GRID2: variants seen among roughly 807,000 people sequenced by gnomAD.
GRID2 encodes glutamate ionotropic receptor delta type subunit 2.
In GRID2, 33 loss-of-function variants were observed where a neutral mutation model predicts 114.8. The observed-to-expected ratio is 0.29, with a 90% CI of 0.22 to 0.38. The LOEUF (loss-of-function observed/expected upper bound fraction) is 0.38, where lower values mean the gene tolerates loss of function less well. Ranked by LOEUF, GRID2 falls within the 10% of genes least tolerant of loss-of-function variation. The pLI is 1.00. For synonymous variants in GRID2, 505 were observed against 449.9 expected (o/e 1.12, Z -1.55); for missense variants, 1,184 against 1,257.7 (o/e 0.94, Z 0.89).
intron 1 of GRID2, among the ~76,000 whole-genome samples, chr4:92,580,505 T>C (rs1258965333): frequency 6.6e-6 from 1 of 151,986 alleles, no homozygotes; most frequent in Non-Finnish European, 1.5e-5. Context: ...AAGAAACTTA[T>C]TTATTTTGGC....
chr4:92,345,781 C>G (rs1340911411), intron 1 of GRID2, among the ~76,000 whole-genome samples: 3 of 152,142 alleles, frequency 2.0e-5, no homozygotes, highest in Non-Finnish European at 4.4e-5. Flanking sequence ...GACCATCACA[C>G]AAACTATCTT....
At chr4:92,770,648 T>C (rs552460226) in intron 2 of GRID2, among the ~76,000 whole-genome samples, 2 of 152,228 alleles carry the variant, frequency 1.3e-5, no homozygotes, top group East Asian at 1.9e-4. Context: ...CTTACATGAA[T>C]GGTGGCAGGC....
intron 2 of GRID2, among the ~76,000 whole-genome samples, chr4:92,626,320 T>C (rs1730519454): frequency 6.6e-6 from 1 of 152,008 alleles, no homozygotes; most frequent in African/African-American, 2.4e-5. Flanking sequence ...TGTAAAGCTT[T>C]TCATGGACCT....
At chr4:93,470,719 A>G (rs952956838) in intron 11 of GRID2, among the ~76,000 whole-genome samples, 1 of 152,148 alleles carries the variant, frequency 6.6e-6, no homozygotes, top group Non-Finnish European at 1.5e-5. Context: ...ACACTAATTG[A>G]CAAAATTAAA....
chr4:93,764,284 T>G (rs578146803), intron 14 of GRID2, among the ~76,000 whole-genome samples: 1 of 152,312 alleles, frequency 6.6e-6, no homozygotes, highest in South Asian at 2.1e-4. Flanking sequence ...AAATTGCAAT[T>G]AAGTTTTATG....
intron 1 of GRID2, among the ~76,000 whole-genome samples, chr4:92,512,234 T>A (rs1281548486): frequency 6.6e-6 from 1 of 151,876 alleles, no homozygotes; most frequent in Non-Finnish European, 1.5e-5. Context: ...AATATTTCAT[T>A]GTATGTGTTA....
chr4:93,372,393 A>G (rs1016814670), intron 8 of GRID2, among the ~76,000 whole-genome samples: 1 of 151,920 alleles, frequency 6.6e-6, no homozygotes, highest in Non-Finnish European at 1.5e-5. Flanking sequence ...TTATTATTCT[A>G]CCTCTTCACT....
intron 2 of GRID2, among the ~76,000 whole-genome samples, chr4:92,940,514 C>G (rs957584169): frequency 5.3e-5 from 8 of 152,138 alleles, no homozygotes; most frequent in African/African-American, 1.4e-4. Flanking sequence ...CATCTGCAAA[C>G]AGGGACAATC....
intron 8 of GRID2, among the ~76,000 whole-genome samples, chr4:93,338,462 A>G (rs2149242602): frequency 6.6e-6 from 1 of 152,352 alleles, no homozygotes; most frequent in Non-Finnish European, 1.5e-5. Context: ...TGGATGCAAT[A>G]GGTGTGAATC....
chr4:93,480,932 A>G (rs912131075), intron 11 of GRID2, among the ~76,000 whole-genome samples: 4 of 150,548 alleles, frequency 2.7e-5, no homozygotes, highest in African/African-American at 9.7e-5. Context: ...GAGGTTGTAT[A>G]TAGGTTATTT....
chr4:93,627,467 G>A (rs2149691955), intron 14 of GRID2, among the ~76,000 whole-genome samples: 1 of 152,214 alleles, frequency 6.6e-6, no homozygotes, highest in Non-Finnish European at 1.5e-5. Flanking sequence ...CTCATGACAT[G>A]CAAAATGAAG....
At chr4:93,777,820 C>T (rs570723633), downstream of GRID2, among the ~76,000 whole-genome samples, 35 of 152,176 alleles carry the variant, frequency 2.3e-4, no homozygotes, top group Non-Finnish European at 4.7e-4. Context: ...ATTTTGCCAG[C>T]TACAAGCTTT....
intron 14 of GRID2, among the ~76,000 whole-genome samples, chr4:93,655,141 A>T (rs1220514617): frequency 1.3e-5 from 2 of 152,186 alleles, no homozygotes; most frequent in Non-Finnish European, 2.9e-5. Flanking sequence ...GCCGATAGGG[A>T]TGGCCCTTCC....
intron 8 of GRID2, among the ~76,000 whole-genome samples, chr4:93,315,290 G>C (rs1269154534): frequency 6.6e-6 from 1 of 152,010 alleles, no homozygotes; most frequent in African/African-American, 2.4e-5. Flanking sequence ...ATGAGATTTG[G>C]GTGGAGACAC....
intron 11 of GRID2, among the ~76,000 whole-genome samples, chr4:93,488,440 T>C (rs2149456559): frequency 6.6e-6 from 1 of 151,998 alleles, no homozygotes; most frequent in East Asian, 2.0e-4. Context: ...CGTATAAAAT[T>C]TAGACATATT....
intron 12 of GRID2, among the ~76,000 whole-genome samples, chr4:93,499,130 C>T (rs1034102995): frequency 1.3e-5 from 2 of 151,788 alleles, no homozygotes; most frequent in South Asian, 2.1e-4. Flanking sequence ...CTATATTCCC[C>T]GCTTCTATTT....
At chr4:93,631,731 A>G (rs923204448) in intron 14 of GRID2, among the ~76,000 whole-genome samples, 16 of 152,200 alleles carry the variant, frequency 1.1e-4, no homozygotes, top group Non-Finnish European at 2.1e-4. Flanking sequence ...GTATATACCC[A>G]GTAATGGGAT....
At chr4:93,373,648 A>C (rs1416339047) in intron 8 of GRID2, among the ~76,000 whole-genome samples, 1 of 152,206 alleles carries the variant, frequency 6.6e-6, no homozygotes, top group African/African-American at 2.4e-5. Flanking sequence ...CTTTGCTGTA[A>C]TAGTTATCCC....
chr4:93,126,209 T>C (rs1734247962), intron 4 of GRID2, among the ~76,000 whole-genome samples: 1 of 152,238 alleles, frequency 6.6e-6, no homozygotes, highest in African/African-American at 2.4e-5. Flanking sequence ...TTAGACTACA[T>C]GTTCTCTAAT....
Sources: allele counts gnomAD v4.1 joint callset (sites outside exome capture counted in the v4.1 genomes callset), GRCh38; gene constraint gnomAD v4.1.1; transcripts MANE v1.5; gene names NCBI Gene and HGNC (gene_info 2026-07-23, HGNC 2026-07-21).